The following ERBB4 variants were observed in gnomAD, a reference collection of about 807,000 sequenced individuals.
ERBB4 encodes erb-b2 receptor tyrosine kinase 4.
Under a neutral mutation model 158.0 loss-of-function variants are expected in ERBB4, and 42 were observed. The ratio of observed to expected loss-of-function variants is 0.27; its 90% confidence interval spans 0.21 to 0.34. The LOEUF is 0.34. Among genes scored for constraint, ERBB4 ranks in the 10% least tolerant of loss-of-function variants. ERBB4 has a pLI of 1.00. For missense variants in ERBB4, 1,333 were observed against 1,624.1 expected (o/e 0.82, Z 3.08); for synonymous variants, 583 against 558.7 (o/e 1.04, Z -0.61).
chr2:211,515,411 A>G (rs535434811), intron 20 of ERBB4, among the ~76,000 whole-genome samples: 1 of 152,224 alleles, frequency 6.6e-6, no homozygotes, highest in South Asian at 2.1e-4. Flanking sequence ...AAAATTCCCA[A>G]ACACAGGGAA....
At chr2:212,291,022 G>A (rs1156683126) in intron 1 of ERBB4, among the ~76,000 whole-genome samples, 1 of 152,062 alleles carries the variant, frequency 6.6e-6, no homozygotes, top group Non-Finnish European at 1.5e-5. Flanking sequence ...ACCTATGTAT[G>A]TTTTCTATGG....
At chr2:211,993,040 G>T (rs1296648282) in intron 2 of ERBB4, among the ~76,000 whole-genome samples, 1 of 152,176 alleles carries the variant, frequency 6.6e-6, no homozygotes, top group African/African-American at 2.4e-5. Flanking sequence ...ATCTTTGCAT[G>T]CTGGCGAGCC....
At chr2:211,736,281 T>C (rs1220036392) in intron 5 of ERBB4, among the ~76,000 whole-genome samples, 3 of 152,206 alleles carry the variant, frequency 2.0e-5, no homozygotes, top group Non-Finnish European at 4.4e-5. Context: ...ACAAATAACA[T>C]TGTATTATGG....
chr2:211,569,528 T>C (rs1446607691), intron 19 of ERBB4, among the ~76,000 whole-genome samples: 2 of 152,114 alleles, frequency 1.3e-5, no homozygotes, highest in Non-Finnish European at 2.9e-5. Context: ...GATTAAGAGG[T>C]ATCACAAAAA....
rs776241458 is a variant in ERBB4 at position 211,382,891 on chromosome 2, C to A, written c.*724G>T. On this transcript the variant is annotated 3_prime_UTR_variant, in exon 28 of 28. Transcript: ENST00000342788. ...TTCTGTGAAGAAGCTTTGATGTAAA[C>A]ATCTTTGCAATTAGAAATTAAAGCC... 11 of 232,222 alleles carry A rather than the reference C, an allele frequency of 4.7e-5. No homozygotes were observed. Among genetic ancestry groups the A allele is most frequent in the Non-Finnish European group, 8.5e-5 (10 of 117,694 alleles). The allele number at this position is 232,222 out of a possible 1,614,324, so 14.4% of individuals were successfully genotyped here.
chr2:212,412,466 G>T (rs111984561), intron 1 of ERBB4, among the ~76,000 whole-genome samples: 1 of 152,184 alleles, frequency 6.6e-6, no homozygotes, highest in East Asian at 1.9e-4. Flanking sequence ...GCCATATGAC[G>T]TGCCTATTCC....
At chr2:211,596,733 A>G (rs2068642910) in intron 19 of ERBB4, among the ~76,000 whole-genome samples, 2 of 151,612 alleles carry the variant, frequency 1.3e-5, no homozygotes, top group South Asian at 4.1e-4. Flanking sequence ...CATGTGTAAC[A>G]ACTAAAGAAT....
intron 16 of ERBB4, among the ~76,000 whole-genome samples, chr2:211,633,920 A>T (rs2070249950): frequency 6.6e-6 from 1 of 152,206 alleles, no homozygotes; most frequent in African/African-American, 2.4e-5. Context: ...ACACCTTGGG[A>T]GGCCAAGGCA....
rs577036265 is a variant in ERBB4, at chr2:211,630,679, A to G, written c.1947-85T>C. 75 of 1,181,594 alleles carry G rather than the reference A, an allele frequency of 6.3e-5. No individual in the cohort carries two copies. The African/African-American group carries it at 9.8e-4, about 15-fold the overall frequency. 73.2% of individuals were successfully genotyped at this position (1,181,594 alleles called of 1,614,324 possible). A position where few individuals can be genotyped will look rare whatever the true frequency, so the allele number is the denominator to read the frequency against. ...AGAGAAAAGAGCAGTTGTACAAGACATTATCCACATTTCACAAATCTAGTC... is the reference window on the plus strand; with the variant it reads ...AGAGAAAAGAGCAGTTGTACAAGACGTTATCCACATTTCACAAATCTAGTC... On this transcript the variant is annotated intron_variant, in intron 16 of 27. Coordinates refer to ENST00000342788, the MANE Select transcript of ERBB4 (RefSeq NM_005235.3).
chr2:211,415,639 A>AATATCTATATTAAAGTTATG (rs1399143529), intron 25 of ERBB4, among the ~76,000 whole-genome samples: 1 of 152,184 alleles, frequency 6.6e-6, no homozygotes, highest in Non-Finnish European at 1.5e-5. Flanking sequence ...TATAAAAATA[A>AATATCTATATTAAAGTTATG]ATATCTATAT....
chr2:211,712,006 G>T, intron 9 of ERBB4, 44 bp downstream of exon 9: 1 of 1,547,714 alleles, frequency 6.5e-7, no homozygotes, highest in Non-Finnish European at 8.9e-7. Flanking sequence ...CTTCAGTTTT[G>T]TCTACACTTT....
chr2:212,120,027 A>G (rs1056046205), intron 2 of ERBB4, among the ~76,000 whole-genome samples: 1 of 152,178 alleles, frequency 6.6e-6, no homozygotes, highest in Non-Finnish European at 1.5e-5. Flanking sequence ...AAAGGGGGAA[A>G]TTACTATAAA....
intron 3 of ERBB4, among the ~76,000 whole-genome samples, chr2:211,913,863 A>G (rs1389512518): frequency 1.3e-5 from 2 of 151,796 alleles, no homozygotes; most frequent in African/African-American, 4.8e-5. Context: ...ATATAAAATT[A>G]GAAAAATTTT....
chr2:211,565,295 T>TGGGG (rs113021662), intron 19 of ERBB4, among the ~76,000 whole-genome samples: 1 of 151,820 alleles, frequency 6.6e-6, no homozygotes, highest in African/African-American at 2.4e-5. Context: ...TGTGGGAAGA[T>TGGGG]GGGACAGAGT....
intron 1 of ERBB4, among the ~76,000 whole-genome samples, chr2:212,514,496 T>A (rs954739587): frequency 1.3e-5 from 2 of 152,192 alleles, no homozygotes; most frequent in Non-Finnish European, 2.9e-5. Flanking sequence ...TCAACTCTAG[T>A]AATGTGTGTT....
chr2:212,454,360 G>A (rs765990793), intron 1 of ERBB4, among the ~76,000 whole-genome samples: 1 of 152,094 alleles, frequency 6.6e-6, no homozygotes, highest in African/African-American at 2.4e-5. Flanking sequence ...CCCAAAACAT[G>A]CTGTCATATT....
chr2:211,711,544 TA>T (rs1419045762), intron 9 of ERBB4, among the ~76,000 whole-genome samples: 72 of 152,274 alleles, frequency 4.7e-4, no homozygotes, highest in African/African-American at 1.7e-3. Context: ...ACAGTGGTGC[TA>T]ACTTCCCAAC....
chr2:212,342,014 G>C (rs889287683), intron 1 of ERBB4, among the ~76,000 whole-genome samples: 6 of 152,096 alleles, frequency 3.9e-5, no homozygotes. Flanking sequence ...ATCCCAACAC[G>C]TTGGGAGGTC....
chr2:211,712,116 A>G lies in ERBB4; in HGVS notation c.1058T>C (p.Ile353Thr). ...MSAQTVDSSNIDKFINCTKIN... is the reference protein window; with the variant it reads ...MSAQTVDSSNTDKFINCTKIN... ...CTTGGTACAGTTTATGAATTTGTCA[A>G]TGTTACTGGAATCCACAGTCTGAGC... Residue 353 changes from isoleucine to threonine, a missense_variant, in exon 9 of 28, where the codon ATT becomes ACT. Coordinates refer to ENST00000342788, the MANE Select transcript of ERBB4 (RefSeq NM_005235.3). 2.5e-6 allele frequency: 4 copies of G among 1,612,644 alleles called. No homozygotes were observed. Among genetic ancestry groups the G allele is most frequent in the Non-Finnish European group, 3.4e-6 (4 of 1,178,676 alleles).
Sources: gnomAD v4.1 joint callset for allele counts (sites outside exome capture counted in the v4.1 genomes callset) on GRCh38, gnomAD v4.1.1 for gene constraint, MANE v1.5 for transcripts, NCBI Gene and HGNC (gene_info 2026-07-23, HGNC 2026-07-21) for gene names.